EXT2: variants seen among roughly 807,000 people sequenced by gnomAD.
The protein encoded by EXT2 is exostosin-2.
EXT2 carries 53 observed loss-of-function variants against 81.6 expected under a neutral mutation model. The observed-to-expected ratio is 0.65, with a 90% CI of 0.52 to 0.82. EXT2 has a LOEUF of 0.82. EXT2 is among the 40% of genes least tolerant of loss of function. The pLI is 0.00. For synonymous variants in EXT2, 320 were observed against 340.0 expected, an observed-to-expected ratio of 0.94 and a Z score of 0.65; for missense variants, 774 against 910.2, an observed-to-expected ratio of 0.85 and a Z score of 1.93.
chr11:44,121,218 C>T (rs1272368916), intron 4 of EXT2, among the ~76,000 whole-genome samples: 1 of 152,172 alleles, frequency 6.6e-6, no homozygotes, highest in African/African-American at 2.4e-5. Flanking sequence ...AATGGAGTAG[C>T]AGTAGAGCGG....
chr11:44,187,464 C>G, intron 8 of EXT2, among the ~76,000 whole-genome samples: 1 of 151,998 alleles, frequency 6.6e-6, no homozygotes, highest in East Asian at 1.9e-4. Flanking sequence ...AGTTTCTTAT[C>G]TCTTTGAATT....
At chr11:44,187,172 G>A (rs918298086) in intron 8 of EXT2, among the ~76,000 whole-genome samples, 11 of 151,452 alleles carry the variant, frequency 7.3e-5, no homozygotes, top group African/African-American at 2.7e-4. Context: ...TGAGTAGCTG[G>A]GATTATAGGT....
rs763493281 is a variant in EXT2 at position 44,171,643 on chromosome 11, A to G, written c.1206A>G (p.Ser402=). The G allele has an allele frequency of 1.9e-6, 3 of 1,614,008 alleles. No individual in the cohort carries two copies. The highest frequency in any genetic ancestry group is 2.2e-5 in the South Asian group (2 of 91,078). ...GGTTCTGGGAAGCGTACTTCCAGTC[A>G]ATTAAAGCCATTGCCCTGGCCACCC... ...ARWFWEAYFQ[S]IKAIALATLQ... The change falls in exon 8 of 14, where the codon TCA becomes TCG. Residue 402 remains serine (S), a synonymous_variant. Transcript: ENST00000533608.
intron 8 of EXT2, among the ~76,000 whole-genome samples, chr11:44,181,803 A>G (rs560521144): frequency 6.6e-6 from 1 of 151,570 alleles, no homozygotes; most frequent in East Asian, 1.9e-4. Flanking sequence ...TTTGTTTGCT[A>G]TTTTTCTTAT....
At position 44,107,892 on chromosome 11, in the gene EXT2, G is replaced by A. The variant is rs755609395; in HGVS notation, c.180G>A (p.Lys60=). The A allele has an allele frequency of 6.2e-7, 1 of 1,614,226 alleles. No individual in the cohort carries two copies. Among genetic ancestry groups the A allele is most frequent in the South Asian group, 1.1e-5 (1 of 91,088 alleles). Residue 60 remains lysine, a synonymous_variant, in exon 2 of 14, where the codon AAG becomes AAA. Transcript: ENST00000533608. ...IESSNDWNVE[K]RSIRDVPVVR... ...CCTCAAATGACTGGAATGTAGAGAA[G>A]CGCAGCATCCGTGATGTGCCGGTTG...
chr11:44,098,902 C>T (rs147268109), intron 1 of EXT2, among the ~76,000 whole-genome samples: 453 of 152,240 alleles, frequency 3.0e-3, no homozygotes, highest in Admixed American at 5.6e-3. Context: ...CATATAATAA[C>T]TCAAAACTTG....
intron 1 of EXT2, among the ~76,000 whole-genome samples, chr11:44,101,656 G>A (rs1489729258): frequency 6.6e-6 from 1 of 152,202 alleles, no homozygotes; most frequent in Non-Finnish European, 1.5e-5. Flanking sequence ...GAGGGGACCT[G>A]CATCTTTGAG....
intron 3 of EXT2, among the ~76,000 whole-genome samples, chr11:44,112,541 A>G (rs1239149744): frequency 6.6e-6 from 1 of 152,206 alleles, no homozygotes; most frequent in Non-Finnish European, 1.5e-5. Context: ...TATTTTCTCC[A>G]TTATAATGTA....
At chr11:44,159,622 A>G (rs1954902954) in intron 7 of EXT2, among the ~76,000 whole-genome samples, 1 of 152,180 alleles carries the variant, frequency 6.6e-6, no homozygotes, top group South Asian at 2.1e-4. Context: ...TAATTTCAGC[A>G]TCTCTGCCAT....
intron 7 of EXT2, among the ~76,000 whole-genome samples, chr11:44,153,638 G>A (rs1017349037): frequency 1.3e-5 from 2 of 152,040 alleles, no homozygotes; most frequent in Non-Finnish European, 2.9e-5. Context: ...TATGATATAA[G>A]CAGTAGGTTT....
At chr11:44,119,321 G>C (rs1435932543) in intron 4 of EXT2, among the ~76,000 whole-genome samples, 1 of 151,488 alleles carries the variant, frequency 6.6e-6, no homozygotes, top group East Asian at 2.0e-4. Context: ...GACTTATTAC[G>C]GCAAAAGGAT....
chr11:44,162,526 A>AG (rs1417846040), intron 7 of EXT2, among the ~76,000 whole-genome samples: 5 of 148,468 alleles, frequency 3.4e-5, no homozygotes, highest in Non-Finnish European at 7.4e-5. Context: ...CAGTGAGCCG[A>AG]GATCGCACCA....
At chr11:44,144,566 C>A (rs1266993718) in intron 7 of EXT2, among the ~76,000 whole-genome samples, 2 of 152,192 alleles carry the variant, frequency 1.3e-5, no homozygotes, top group Non-Finnish European at 2.9e-5. Context: ...TGCTAGGGAC[C>A]TCACCTCACA....
intron 3 of EXT2, among the ~76,000 whole-genome samples, chr11:44,112,621 A>T (rs1247808262): frequency 6.6e-6 from 1 of 152,194 alleles, no homozygotes; most frequent in Non-Finnish European, 1.5e-5. Flanking sequence ...GCATGAGGCC[A>T]GTTTGACTAA....
chr11:44,187,849 A>AT (rs558440185), intron 8 of EXT2, among the ~76,000 whole-genome samples: 103 of 152,266 alleles, frequency 6.8e-4, no homozygotes, highest in African/African-American at 2.3e-3. Flanking sequence ...AAATGAGGAA[A>AT]TGGAGGTCCA....
intron 8 of EXT2, among the ~76,000 whole-genome samples, chr11:44,188,957 G>C (rs1327399941): frequency 6.6e-6 from 1 of 152,082 alleles, no homozygotes; most frequent in Non-Finnish European, 1.5e-5. Flanking sequence ...ACCACAAGCA[G>C]GATAAGTAAA....
intron 7 of EXT2, among the ~76,000 whole-genome samples, chr11:44,146,411 G>A (rs992636667): frequency 2.6e-5 from 4 of 152,216 alleles, no homozygotes; most frequent in African/African-American, 7.2e-5. Flanking sequence ...AAAGGGTTTT[G>A]CTTCTGACTG....
At chr11:44,132,777 C>T (rs374745630) in intron 7 of EXT2, among the ~76,000 whole-genome samples, 2 of 152,268 alleles carry the variant, frequency 1.3e-5, no homozygotes, top group African/African-American at 4.8e-5. Context: ...CCCTTTTCCG[C>T]TTTCTGACGG....
At chr11:44,239,551 C>G (rs913169962) in intron 13 of EXT2, among the ~76,000 whole-genome samples, 3 of 151,732 alleles carry the variant, frequency 2.0e-5, no homozygotes, top group Non-Finnish European at 4.4e-5. Context: ...TGGCACCGTG[C>G]CCGGCTAATT....
Sources: allele counts gnomAD v4.1 joint callset (sites outside exome capture counted in the v4.1 genomes callset), GRCh38; gene constraint gnomAD v4.1.1; transcripts MANE v1.5; gene names NCBI Gene and HGNC (gene_info 2026-07-23, HGNC 2026-07-21).